The following LIN28A variants were observed in gnomAD, a reference collection of about 807,000 sequenced individuals.
LIN28A encodes lin-28 RNA binding posttranscriptional regulator A, also known as protein lin-28 homolog A.
LIN28A carries 11 observed loss-of-function variants against 21.1 expected under a neutral mutation model. The ratio of observed to expected loss-of-function variants is 0.52; its 90% CI spans 0.33 to 0.86. The LOEUF is 0.86. Among genes scored for constraint, LIN28A ranks in the 40% least tolerant of loss-of-function variants. LIN28A has a pLI of 0.03. For missense variants in LIN28A, 219 were observed against 279.8 expected, an observed-to-expected ratio of 0.78 and a Z score of 1.55; for synonymous variants, 111 against 108.7, an observed-to-expected ratio of 1.02 and a Z score of -0.13.
Position 26,426,576 on chromosome 1 carries a change from T to TG in LIN28A, c.*121dup, listed in dbSNP as rs939868666. On this transcript the variant is annotated 3_prime_UTR_variant, in exon 4 of 4. Coordinates refer to ENST00000326279, the MANE Select transcript of LIN28A (RefSeq NM_024674.6). ...TTGGCACTGCCATGTATCTCAGGCT[T>TG]GGGTTCACACCATCACCCTTTCTTC... is the stretch of plus-strand genomic sequence containing the variant. 118 of 763,340 alleles carry TG rather than the reference T, an allele frequency of 1.5e-4. No individual in the cohort carries two copies. The African/African-American group carries it at 1.9e-3, about 12-fold the overall frequency. The allele number at this position is 763,340 out of a possible 1,614,324, so 47.3% of individuals were successfully genotyped here. A position where few individuals can be genotyped will look rare whatever the true frequency, so the allele number is the denominator to read the frequency against.
chr1:26,424,179 C>T (rs1331780122), intron 2 of LIN28A, among the ~76,000 whole-genome samples: 1 of 151,636 alleles, frequency 6.6e-6, no homozygotes, highest in African/African-American at 2.4e-5. Context: ...GGTATAAATA[C>T]TAAGTGAGGC....
At chr1:26,417,236 G>A (rs1349493547) in intron 2 of LIN28A, among the ~76,000 whole-genome samples, 5 of 152,218 alleles carry the variant, frequency 3.3e-5, no homozygotes, top group Non-Finnish European at 1.5e-5. Context: ...CTCCAGGCAG[G>A]AGCTACAGGG....
intron 2 of LIN28A, among the ~76,000 whole-genome samples, chr1:26,414,109 A>G (rs866680583): frequency 3.0e-4 from 45 of 152,140 alleles, no homozygotes; most frequent in African/African-American, 1.0e-3. Context: ...GATTACAGGC[A>G]TGAGCCACCA....
In LIN28A at chr1:26,422,389, A is replaced by G. The variant is rs150833548; in HGVS notation, c.229-2914A>G. 5.3e-3 allele frequency among the ~76,000 whole-genome samples: 796 copies of G among 151,316 alleles called. 6 individuals carry two copies. The highest frequency in any genetic ancestry group is 0.028 in the Middle Eastern group (8 of 290). Reference sequence around the variant, plus strand: ...ACACTGGTACATTTATCTATATACCATATGCAAATTTTGTCAATTGTCCTA... The same window carrying G: ...ACACTGGTACATTTATCTATATACCGTATGCAAATTTTGTCAATTGTCCTA... On this transcript the variant is annotated intron_variant, in intron 2 of 3. Transcript: ENST00000326279.
chr1:26,425,505 G>T lies in LIN28A; in HGVS notation c.413+18G>T. On this transcript the variant is annotated intron_variant, in intron 3 of 3. Transcript: ENST00000326279. Reference sequence around the variant, plus strand: ...GGAGACAGGTATGGATTGGAAGGCAGCTTATATAGGTTGCTAAGGGCATCC... The same window carrying T: ...GGAGACAGGTATGGATTGGAAGGCATCTTATATAGGTTGCTAAGGGCATCC... The T allele has an allele frequency of 6.2e-7, 1 of 1,610,248 alleles. No individual in the cohort carries two copies. The highest frequency in any genetic ancestry group is 8.5e-7 in the Non-Finnish European group (1 of 1,177,212).
At chr1:26,417,822 C>A (rs1444824453) in intron 2 of LIN28A, among the ~76,000 whole-genome samples, 1 of 152,132 alleles carries the variant, frequency 6.6e-6, no homozygotes, top group Non-Finnish European at 1.5e-5. Flanking sequence ...AGCTAAGAAC[C>A]TAGAATTGAG....
chr1:26,422,072 G>T (rs566708378), intron 2 of LIN28A, among the ~76,000 whole-genome samples: 1 of 149,530 alleles, frequency 6.7e-6, no homozygotes, highest in African/African-American at 2.5e-5. Flanking sequence ...ACAGTTGTGT[G>T]ATCTCTGCTC....
At position 26,426,127 on chromosome 1, in the gene LIN28A, T is replaced by C. The variant is rs1286037543; in HGVS notation, c.414-115T>C. The C allele has an allele frequency of 9.1e-6, 7 of 767,490 alleles. No individual in the cohort carries two copies. In the East Asian group the frequency reaches 1.1e-4, roughly 12 times the overall value. The allele number at this position is 767,490 out of a possible 1,614,324, so 47.5% of individuals were successfully genotyped here. ...TTTTGCAAGTGGGAAGTTTGGTCTC[T>C]GGGAAGGGAAGTAAGTGACAAACCT... On this transcript the variant is annotated intron_variant, in intron 3 of 3. Transcript: ENST00000326279.
At chr1:26,424,078 T>A (rs2075044414) in intron 2 of LIN28A, among the ~76,000 whole-genome samples, 1 of 151,924 alleles carries the variant, frequency 6.6e-6, no homozygotes, top group Non-Finnish European at 1.5e-5. Flanking sequence ...TTTTCTTTTT[T>A]AAATAAGGCA....
chr1:26,425,162 T>C (rs2124304788), intron 2 of LIN28A, 141 bp from the exon 3 acceptor site: 1 of 752,304 alleles, frequency 1.3e-6, no homozygotes, highest in Non-Finnish European at 2.2e-6. Context: ...TTAATCGTAG[T>C]GACTCTTTGA....
At chr1:26,416,292 G>A (rs1192359057) in intron 2 of LIN28A, among the ~76,000 whole-genome samples, 6 of 152,004 alleles carry the variant, frequency 3.9e-5, no homozygotes, top group South Asian at 4.2e-4. Context: ...GATGCCCGGC[G>A]ACAGTGTAAA....
Position 26,429,095 on chromosome 1 carries a change from G to A in LIN28A, c.*2637G>A, listed in dbSNP as rs543447642. The stretch of plus-strand genomic sequence containing the variant: ...GCAGGGGAATCGCTTGAACCCGAGA[G>A]GCAGAGGTTGCAGTGAGCTGAGATC... On this transcript the variant is annotated 3_prime_UTR_variant, in exon 4 of 4. Transcript: ENST00000326279. 6 of 154,108 alleles carry A rather than the reference G, an allele frequency of 3.9e-5. No individual in the cohort carries two copies. In the East Asian group the frequency reaches 9.5e-4, roughly 24 times the overall value. 9.5% of individuals were successfully genotyped at this position (154,108 alleles called of 1,614,324 possible).
chr1:26,417,052 A>C (rs892035084), intron 2 of LIN28A, among the ~76,000 whole-genome samples: 6 of 29,250 alleles, frequency 2.1e-4, no homozygotes, highest in African/African-American at 6.7e-4. Flanking sequence ...GGGTGGGGGC[A>C]GGGTGGGACG....
chr1:26,414,880 G>A (rs960424426), intron 2 of LIN28A, among the ~76,000 whole-genome samples: 1 of 152,038 alleles, frequency 6.6e-6, no homozygotes, highest in African/African-American at 2.4e-5. Context: ...ATCCCTGCTT[G>A]AGAAACACAG....
At chr1:26,421,297 T>C (rs2075027116) in intron 2 of LIN28A, among the ~76,000 whole-genome samples, 1 of 152,204 alleles carries the variant, frequency 6.6e-6, no homozygotes, top group South Asian at 2.1e-4. Context: ...AACCAAAGAC[T>C]TTACGTTGTT....
chr1:26,423,225 G>T (rs2075037406), intron 2 of LIN28A, among the ~76,000 whole-genome samples: 1 of 151,658 alleles, frequency 6.6e-6, no homozygotes, highest in Non-Finnish European at 1.5e-5. Flanking sequence ...GTTTTTTGTA[G>T]AAATGGCATT....
Position 26,411,773 on chromosome 1 carries a change from A to G in LIN28A, c.228+191A>G, listed in dbSNP as rs190367938. On this transcript the variant is annotated intron_variant, in intron 2 of 3. Transcript: ENST00000326279. This position sits in a 1 kb window ranked among gnomAD's most constrained non-coding sequence, Gnocchi z 5.4. Reference sequence around the variant, plus strand: ...GGGGGAGTAGTGGGAGGCAGCACCAATTATCAGCACCCCCGCCCCCTTCCG... The same window carrying G: ...GGGGGAGTAGTGGGAGGCAGCACCAGTTATCAGCACCCCCGCCCCCTTCCG... Among the ~76,000 whole-genome samples, 148 of 152,102 alleles carry G rather than the reference A, an allele frequency of 9.7e-4. 1 individual carries two copies. Among genetic ancestry groups the G allele is most frequent in the African/African-American group, 3.5e-3 (147 of 41,512 alleles).
At chr1:26,425,185 A>G (rs2124304823) in intron 2 of LIN28A, 118 bp from the exon 3 acceptor site, 1 of 960,276 alleles carries the variant, frequency 1.0e-6, no homozygotes, top group East Asian at 2.6e-5. Context: ...CAGTTTCCTT[A>G]CCAGTAAAAT....
At chr1:26,423,654 T>G (rs1046142303) in intron 2 of LIN28A, among the ~76,000 whole-genome samples, 1 of 151,336 alleles carries the variant, frequency 6.6e-6, no homozygotes, top group Non-Finnish European at 1.5e-5. Flanking sequence ...TCAGGTGATA[T>G]GCCCGCCTCG....
Sources: allele counts gnomAD v4.1 joint callset (sites outside exome capture counted in the v4.1 genomes callset), GRCh38; gene constraint gnomAD v4.1.1; non-coding constraint Gnocchi (gnomAD v3.1); transcripts MANE v1.5; gene names NCBI Gene and HGNC (gene_info 2026-07-23, HGNC 2026-07-21).